The following BATF variants were observed in gnomAD, a reference collection of about 807,000 sequenced individuals.
The protein encoded by BATF is basic leucine zipper transcriptional factor ATF-like.
Under a neutral mutation model 13.7 loss-of-function variants are expected in BATF, and 5 were observed. The ratio of observed to expected loss-of-function variants is 0.36; its 90% CI spans 0.19 to 0.77. BATF has a LOEUF of 0.77. Among genes scored for constraint, BATF ranks in the 30% least tolerant of loss-of-function variants. BATF has a pLI of 0.51. For missense variants in BATF, 124 were observed against 163.0 expected (o/e 0.76, Z 1.30); for synonymous variants, 72 against 67.5 (o/e 1.07, Z -0.33).
chr14:75,541,569 C>A (rs548575281), intron 2 of BATF, among the ~76,000 whole-genome samples: 73 of 152,266 alleles, frequency 4.8e-4, no homozygotes, highest in African/African-American at 1.6e-3. Context: ...ACTCAGGGAT[C>A]TTGTGTTGTG....
chr14:75,546,447 TCCCCAC>T lies in BATF; in HGVS notation c.169-11_169-6del. ...CCTAGACACTAACCTCCGGTGCTGATCCCCACCCCTACAGGAGAGCGAAGACCTGGA... is the reference window on the plus strand; with the variant it reads ...CCTAGACACTAACCTCCGGTGCTGATCCCTACAGGAGAGCGAAGACCTGGA... On this transcript the variant is annotated splice_polypyrimidine_tract_variant and intron_variant, in intron 2 of 2. Transcript: ENST00000286639. The T allele has an allele frequency of 6.2e-7, 1 of 1,613,668 alleles. No homozygotes were observed. The highest frequency in any genetic ancestry group is 1.1e-5 in the South Asian group (1 of 91,052).
chr14:75,536,877 C>A (rs920735091), intron 2 of BATF, among the ~76,000 whole-genome samples: 34 of 152,142 alleles, frequency 2.2e-4, no homozygotes, highest in African/African-American at 8.0e-4. Context: ...AGTTGAGAAG[C>A]AATAGCACCT....
At chr14:75,535,490 T>C (rs867484499) in intron 2 of BATF, among the ~76,000 whole-genome samples, 1 of 152,202 alleles carries the variant, frequency 6.6e-6, no homozygotes, top group South Asian at 2.1e-4. Flanking sequence ...TTTTTAACTT[T>C]TAAAAAATAT....
At chr14:75,525,325 G>A (rs1023968426) in intron 2 of BATF, 137 bp downstream of exon 2, 79 of 845,582 alleles carry the variant, frequency 9.3e-5, no homozygotes, top group Non-Finnish European at 1.2e-4. Context: ...GGTGAGGGCC[G>A]TGGGGTGAGG....
intron 2 of BATF, among the ~76,000 whole-genome samples, chr14:75,536,605 C>T (rs988814559): frequency 1.3e-5 from 2 of 151,942 alleles, no homozygotes; most frequent in Admixed American, 6.6e-5. Context: ...CACCTATGGT[C>T]CCACCTACTT....
At chr14:75,544,748 G>C (rs1200835242) in intron 2 of BATF, among the ~76,000 whole-genome samples, 1 of 150,396 alleles carries the variant, frequency 6.6e-6, no homozygotes, top group East Asian at 2.0e-4. Flanking sequence ...GATTTAGAAA[G>C]GTAAGACCTG....
chr14:75,539,340 G>A (rs1300586684), intron 2 of BATF, among the ~76,000 whole-genome samples: 4 of 149,468 alleles, frequency 2.7e-5, no homozygotes, highest in East Asian at 2.0e-4. Flanking sequence ...CCTCCCTCCC[G>A]CCCATCAGGT....
intron 2 of BATF, among the ~76,000 whole-genome samples, chr14:75,529,345 C>A (rs907069138): frequency 3.3e-5 from 5 of 152,118 alleles, no homozygotes; most frequent in Non-Finnish European, 5.9e-5. Context: ...AGTATAAATA[C>A]AAAATGGGCT....
chr14:75,546,699 C>G lies in BATF; in HGVS notation c.*28C>G. ...TTCCGATGCGGGGAGAGCAGAGCCT[C>G]GGGAGGGGCACACAGACTGTGGCAG... On this transcript the variant is annotated 3_prime_UTR_variant, in exon 3 of 3. Transcript: ENST00000286639. 6.5e-7 allele frequency: 1 copy of G among 1,534,804 alleles called. No individual in the cohort carries two copies. The highest frequency in any genetic ancestry group is 8.8e-7 in the Non-Finnish European group (1 of 1,140,694).
intron 2 of BATF, among the ~76,000 whole-genome samples, chr14:75,537,251 C>T (rs1338880664): frequency 1.3e-5 from 2 of 152,110 alleles, no homozygotes; most frequent in Non-Finnish European, 2.9e-5. Context: ...AGAGGTTTGA[C>T]CTAGGCCTTT....
intron 2 of BATF, among the ~76,000 whole-genome samples, chr14:75,545,182 A>G (rs1887963010): frequency 6.6e-6 from 1 of 152,128 alleles, no homozygotes; most frequent in African/African-American, 2.4e-5. Context: ...AAAACGTTGT[A>G]GCAGACTTTG....
chr14:75,532,063 G>A (rs1887742710), intron 2 of BATF, among the ~76,000 whole-genome samples: 1 of 152,218 alleles, frequency 6.6e-6, no homozygotes, highest in Non-Finnish European at 1.5e-5. Flanking sequence ...TGTGCCTCAA[G>A]TGCTCTCCCT....
intron 2 of BATF, among the ~76,000 whole-genome samples, chr14:75,543,124 C>G (rs1029256705): frequency 9.9e-5 from 15 of 152,214 alleles, no homozygotes; most frequent in African/African-American, 3.1e-4. Context: ...ACCAACACCC[C>G]CTAGTCTCAT....
At chr14:75,524,464 G>A (rs1157648658) in intron 1 of BATF, among the ~76,000 whole-genome samples, 2 of 152,188 alleles carry the variant, frequency 1.3e-5, no homozygotes, top group Non-Finnish European at 2.9e-5. Flanking sequence ...AGTAGCTAGC[G>A]GGGAAGGGTC....
Position 75,546,895 on chromosome 14 carries a change from C to A in BATF, c.*224C>A. 1.4e-6 allele frequency: 1 copy of A among 717,242 alleles called. No individual in the cohort carries two copies. The highest frequency in any genetic ancestry group is 2.5e-6 in the Non-Finnish European group (1 of 398,500). The allele number at this position is 717,242 out of a possible 1,614,324, so 44.4% of individuals were successfully genotyped here. On this transcript the variant is annotated 3_prime_UTR_variant, in exon 3 of 3. Transcript: ENST00000286639. The stretch of plus-strand genomic sequence containing the variant: ...ACCCCACCACTGTGGGTTGCAGGCC[C>A]AATGCAGAAGAGTATTAAGAAAGAT...
intron 2 of BATF, among the ~76,000 whole-genome samples, chr14:75,531,072 T>C (rs1887724068): frequency 6.6e-6 from 1 of 152,210 alleles, no homozygotes; most frequent in South Asian, 2.1e-4. Context: ...TAGGAGGATT[T>C]CTTTTCTAAT....
intron 2 of BATF, among the ~76,000 whole-genome samples, chr14:75,543,450 C>A (rs1318229093): frequency 6.6e-6 from 1 of 151,434 alleles, no homozygotes; most frequent in African/African-American, 2.4e-5. Flanking sequence ...TGCTTCTCTG[C>A]CATTTAGAAA....
chr14:75,546,383 C>T lies in BATF; in HGVS notation c.169-79C>T, dbSNP rs1887985921. The stretch of plus-strand genomic sequence containing the variant: ...TGCTAGTGAACAACTAATCTGGCCC[C>T]TCCTGTGTCCCTCCGCACCCCACCC... On this transcript the variant is annotated intron_variant, in intron 2 of 2. Transcript: ENST00000286639. 1.0e-5 allele frequency: 15 copies of T among 1,463,054 alleles called. No homozygotes were observed. The South Asian group carries it at 1.8e-4, about 18-fold the overall frequency. 90.6% of individuals were successfully genotyped at this position (1,463,054 alleles called of 1,614,324 possible).
chr14:75,524,972 A>G (rs1887629476), intron 1 of BATF, 112 bp from the exon 2 acceptor site: 1 of 870,696 alleles, frequency 1.1e-6, no homozygotes, highest in Non-Finnish European at 1.8e-6. Flanking sequence ...GGGTTCATGC[A>G]GAGACGAAGG....
Sources: gnomAD v4.1 joint callset for allele counts (sites outside exome capture counted in the v4.1 genomes callset) on GRCh38, gnomAD v4.1.1 for gene constraint, MANE v1.5 for transcripts, NCBI Gene and HGNC (gene_info 2026-07-23, HGNC 2026-07-21) for gene names.